The following DTHD1 variants were observed in gnomAD, a reference collection of about 807,000 sequenced individuals.
DTHD1 encodes death domain containing 1, also known as death domain-containing protein 1.
In DTHD1, 59 loss-of-function variants were observed where a neutral mutation model predicts 74.8. The observed-to-expected ratio is 0.79, with a 90% confidence interval of 0.64 to 0.98. The LOEUF is 0.98. Among genes scored for constraint, DTHD1 ranks in the 50% least tolerant of loss-of-function variants. DTHD1 has a pLI of 0.00. For missense variants in DTHD1, 1,051 were observed against 1,065.4 expected (o/e 0.99, Z 0.19); for synonymous variants, 365 against 371.1 (o/e 0.98, Z 0.19).
At position 36,343,776 on chromosome 4, in the gene DTHD1, T is replaced by TA. The variant is rs1014191908; in HGVS notation, c.2676dup (p.Val893SerfsTer4). On this transcript the variant is annotated frameshift_variant, in exon 10 of 10. Transcript: ENST00000639862. LOFTEE classifies it high-confidence loss of function. ...AAGAGCTCAAATTCAAGTGGGAAAA[T>TA]AAAGTGTTCACTGAACCACAGCAGT... 1.9e-6 allele frequency: 3 copies of TA among 1,551,146 alleles called. No homozygotes were observed. The highest frequency in any genetic ancestry group is 1.4e-5 in the African/African-American group (1 of 72,970).
Position 36,316,352 on chromosome 4 carries a change from C to T in DTHD1, c.2206C>T (p.Pro736Ser), listed in dbSNP as rs1167679211. The change falls in exon 8 of 10, where the codon CCT (proline) becomes TCT (serine). Residue 736 changes from proline (P) to serine (S), a missense_variant. Pro to Ser is a moderately conservative substitution (Grantham distance 74). Transcript: ENST00000639862. Reference protein sequence around the residue: ...EVDEFGNYSCPHYKGTIVVYK... With the variant: ...EVDEFGNYSCSHYKGTIVVYK... ...GGACGAATTTGGAAACTATAGTTGC[C>T]CTCATTACAAAGGCACCATTGTCGT... 6.4e-7 allele frequency: 1 copy of T among 1,551,990 alleles called. No individual in the cohort carries two copies. Among genetic ancestry groups the T allele is most frequent in the Non-Finnish European group, 8.7e-7 (1 of 1,147,086 alleles).
intron 5 of DTHD1, 108 bp downstream of exon 5, chr4:36,295,147 T>A: frequency 8.1e-7 from 1 of 1,232,614 alleles, no homozygotes; most frequent in Non-Finnish European, 1.1e-6. Context: ...ATTAAAATAT[T>A]ATGAAATATC....
At position 36,306,306 on chromosome 4, in the gene DTHD1, A is replaced by G; in HGVS notation, c.1759A>G (p.Ile587Val). 1 of 1,551,668 alleles carries G rather than the reference A, an allele frequency of 6.4e-7. No homozygotes were observed. Among genetic ancestry groups the G allele is most frequent in the Non-Finnish European group, 8.7e-7 (1 of 1,146,930 alleles). The part of the protein sequence containing the change: ...WCGLDDVVKT[I>V]QSGLVSVELY... Reference sequence around the variant, plus strand: ...TGGGCTTGATGATGTTGTGAAAACCATACAGAGCGGCTTGGTATCAGTTGA... The same window carrying G: ...TGGGCTTGATGATGTTGTGAAAACCGTACAGAGCGGCTTGGTATCAGTTGA... Residue 587 changes from isoleucine to valine, a missense_variant, in exon 6 of 10, where the codon ATA becomes GTA. Coordinates refer to ENST00000639862, the MANE Select transcript of DTHD1 (RefSeq NM_001170700.3).
At chr4:36,339,670 T>C (rs990200769) in intron 9 of DTHD1, among the ~76,000 whole-genome samples, 3 of 152,242 alleles carry the variant, frequency 2.0e-5, no homozygotes, top group Admixed American at 6.5e-5. Context: ...AAACTTTTAT[T>C]CTATTTTAGC....
chr4:36,298,660 T>C (rs1382789620), intron 5 of DTHD1, among the ~76,000 whole-genome samples: 7 of 152,210 alleles, frequency 4.6e-5, no homozygotes, highest in Non-Finnish European at 8.8e-5. Context: ...ATATTAAGAA[T>C]GAAAGGTCTG....
At chr4:36,292,041 A>AT (rs1239687571) in intron 3 of DTHD1, among the ~76,000 whole-genome samples, 12 of 152,036 alleles carry the variant, frequency 7.9e-5, no homozygotes, top group Non-Finnish European at 1.6e-4. Flanking sequence ...TGTGATTTTG[A>AT]TTTTTTCTGG....
intron 3 of DTHD1, among the ~76,000 whole-genome samples, chr4:36,291,555 G>T (rs140352415): frequency 6.6e-6 from 1 of 152,220 alleles, no homozygotes; most frequent in Non-Finnish European, 1.5e-5. Context: ...GAGGCCAGGC[G>T]TGGTGGCTTA....
chr4:36,283,907 G>A (rs1755540232), intron 1 of DTHD1, 69 bp from the exon 2 acceptor site: 10 of 1,078,334 alleles, frequency 9.3e-6, no homozygotes, highest in Non-Finnish European at 1.3e-5. Context: ...TTCATTAGAT[G>A]TCAGTGCAGA....
intron 6 of DTHD1, among the ~76,000 whole-genome samples, chr4:36,307,222 C>T (rs1284998037): frequency 6.6e-6 from 1 of 152,180 alleles, no homozygotes; most frequent in African/African-American, 2.4e-5. Context: ...CAATGTACCA[C>T]ATACTGGTGG....
intron 7 of DTHD1, among the ~76,000 whole-genome samples, chr4:36,311,940 T>C (rs1458749961): frequency 6.6e-6 from 1 of 152,242 alleles, no homozygotes; most frequent in East Asian, 1.9e-4. Context: ...CCAAAATCTC[T>C]CTATTCACTT....
intron 3 of DTHD1, among the ~76,000 whole-genome samples, chr4:36,291,046 A>T (rs1252366689): frequency 6.6e-6 from 1 of 152,256 alleles, no homozygotes; most frequent in Admixed American, 6.5e-5. Flanking sequence ...AAATTTAAGA[A>T]TGTTAGAATC....
rs1183626762 is a variant in DTHD1 at position 36,284,427 on chromosome 4, C to A, written c.723C>A (p.Gly241=). 2.6e-6 allele frequency: 4 copies of A among 1,537,052 alleles called. No homozygotes were observed. The highest frequency in any genetic ancestry group is 2.4e-5 in the East Asian group (1 of 40,896). ...NINGNREETH[G]IIQTTETEIQ... is the part of the protein sequence containing the mutation. ...ATGGCAACAGGGAAGAGACTCATGG[C>A]ATAATTCAGACAACAGAGACAGAAA... The change falls in exon 2 of 10, where the codon GGC becomes GGA. Residue 241 remains glycine (G), a synonymous_variant. Coordinates refer to ENST00000639862, the MANE Select transcript of DTHD1 (RefSeq NM_001170700.3).
chr4:36,333,076 A>G (rs1578490667), intron 8 of DTHD1, among the ~76,000 whole-genome samples: 1 of 152,166 alleles, frequency 6.6e-6, no homozygotes, highest in East Asian at 1.9e-4. Flanking sequence ...GGATGGTTTT[A>G]CCTAAAAATG....
intron 8 of DTHD1, among the ~76,000 whole-genome samples, chr4:36,321,690 T>C (rs1398522718): frequency 6.6e-6 from 1 of 152,206 alleles, no homozygotes; most frequent in Non-Finnish European, 1.5e-5. Context: ...AAAATGGTCT[T>C]CTACGAAACT....
chr4:36,326,835 T>C, intron 8 of DTHD1, among the ~76,000 whole-genome samples: 1 of 152,214 alleles, frequency 6.6e-6, no homozygotes, highest in East Asian at 1.9e-4. Flanking sequence ...TGGCAAGACC[T>C]GGGAGGGTGA....
intron 8 of DTHD1, among the ~76,000 whole-genome samples, chr4:36,332,406 C>T (rs894438612): frequency 4.6e-5 from 7 of 152,058 alleles, no homozygotes; most frequent in African/African-American, 1.7e-4. Context: ...TTGTGAGGAG[C>T]CCCATTATGT....
At chr4:36,315,223 C>T (rs1024889227) in intron 7 of DTHD1, among the ~76,000 whole-genome samples, 11 of 152,144 alleles carry the variant, frequency 7.2e-5, no homozygotes, top group Admixed American at 2.6e-4. Flanking sequence ...ATGATAAAAC[C>T]CCAGTAAGTG....
intron 5 of DTHD1, among the ~76,000 whole-genome samples, chr4:36,302,455 C>A (rs1396260015): frequency 6.6e-6 from 1 of 152,082 alleles, no homozygotes; most frequent in East Asian, 1.9e-4. Flanking sequence ...GCACTCAGGT[C>A]ATTTGAACTG....
chr4:36,339,062 C>T, intron 8 of DTHD1, 50 bp from the exon 9 acceptor site: 2 of 1,455,844 alleles, frequency 1.4e-6, no homozygotes, highest in Non-Finnish European at 1.9e-6. Flanking sequence ...GTAGCTTATT[C>T]ACAAATTAAT....
Sources: allele counts gnomAD v4.1 joint callset (sites outside exome capture counted in the v4.1 genomes callset), GRCh38; gene constraint gnomAD v4.1.1; transcripts MANE v1.5; gene names NCBI Gene and HGNC (gene_info 2026-07-23, HGNC 2026-07-21).